CARS1: variants seen among roughly 807,000 people sequenced by gnomAD.
CARS1 encodes cysteine--tRNA ligase, cytoplasmic.
In CARS1, 48 loss-of-function variants were observed where a neutral mutation model predicts 106.2. The observed-to-expected ratio is 0.45, with a 90% confidence interval of 0.36 to 0.57. The LOEUF is 0.57. Ranked by LOEUF, CARS1 falls within the 20% of genes least tolerant of loss-of-function variation. CARS1 has a pLI of 0.00. For synonymous variants in CARS1, 409 were observed against 403.4 expected (o/e 1.01, Z -0.17); for missense variants, 968 against 1,057.2 (o/e 0.92, Z 1.17).
intron 17 of CARS1, among the ~76,000 whole-genome samples, chr11:3,015,550 T>C (rs1199006268): frequency 6.6e-6 from 1 of 152,208 alleles, no homozygotes; most frequent in Non-Finnish European, 1.5e-5. Flanking sequence ...GACAGCACAA[T>C]GGCAAAGTGC....
chr11:3,011,902 A>C (rs1018104570), intron 18 of CARS1, among the ~76,000 whole-genome samples: 2 of 152,184 alleles, frequency 1.3e-5, no homozygotes, highest in African/African-American at 4.8e-5. Flanking sequence ...AGGAGAGGCA[A>C]ATCAACCCTG....
Position 3,026,773 on chromosome 11 carries a change from G to A in CARS1, c.1056C>T (p.Tyr352=), listed in dbSNP as rs1319987437. 13 of 1,613,654 alleles carry A rather than the reference G, an allele frequency of 8.1e-6. No homozygotes were observed. Among genetic ancestry groups the A allele is most frequent in the Non-Finnish European group, 1.1e-5 (13 of 1,179,820 alleles). Residue 352 remains tyrosine (Y), a synonymous_variant, in exon 10 of 23, where the codon TAC becomes TAT. Transcript: ENST00000380525. ...TAGAAGCAAACTTCGCTGTATCAAA[G>A]TAGACAGACCCATTGGAGACATAGC... ...GYGYVSNGSV[Y]FDTAKFASSE...
In CARS1 at chr11:3,018,516, G is replaced by A. The variant is rs780883071; in HGVS notation, c.1526-5C>T. 3 of 1,612,796 alleles carry A rather than the reference G, an allele frequency of 1.9e-6. No homozygotes were observed. Among genetic ancestry groups the A allele is most frequent in the Non-Finnish European group, 2.5e-6 (3 of 1,178,876 alleles). Reference sequence around the variant, plus strand: ...AGGCCAGCCGCAACTGCCGTGCTGTGGGGGGACACAAGACAGCCAACGCCC... The same window carrying A: ...AGGCCAGCCGCAACTGCCGTGCTGTAGGGGGACACAAGACAGCCAACGCCC... On this transcript the variant is annotated splice_region_variant and splice_polypyrimidine_tract_variant and intron_variant, in intron 13 of 22. Transcript: ENST00000380525.
Position 3,020,194 on chromosome 11 carries a change from C to T in CARS1, c.1266+26G>A, listed in dbSNP as rs201337233. The stretch of plus-strand genomic sequence containing the variant: ...TGGCGCCAGTGCCCCTGTCCAAGCC[C>T]CACACCTTCTAGGCCACTCGCTCAC... On this transcript the variant is annotated intron_variant, in intron 11 of 22. Coordinates refer to ENST00000380525, the MANE Select transcript of CARS1 (RefSeq NM_001014437.3). This position sits in a 1 kb window ranked among gnomAD's most constrained non-coding sequence, Gnocchi z 4.6. The T allele has an allele frequency of 2.9e-6, 4 of 1,395,140 alleles. No individual in the cohort carries two copies. In the East Asian group the frequency reaches 9.1e-5, roughly 32 times the overall value. The allele number at this position is 1,395,140 out of a possible 1,614,324, so 86.4% of individuals were successfully genotyped here.
rs201356533 is a variant in CARS1 at position 3,016,465 on chromosome 11, C to T, written c.1918-616G>A. Among the ~76,000 whole-genome samples, 40 of 152,100 alleles carry T rather than the reference C, an allele frequency of 2.6e-4. 1 individual carries two copies. In the East Asian group the frequency reaches 7.2e-3, roughly 27 times the overall value. On this transcript the variant is annotated intron_variant, in intron 16 of 22. Transcript: ENST00000380525. ...GTCTCCATCTCCTGACCTTGTGATCCGCCCGCCTTGGCCTCCCAAAGTGCT... is the reference window on the plus strand; with the variant it reads ...GTCTCCATCTCCTGACCTTGTGATCTGCCCGCCTTGGCCTCCCAAAGTGCT...
rs984349135 is a variant in CARS1, at chr11:3,043,330, G to A, written c.275-1074C>T. ...AAACGTCAATCTGGCAAAGCTAGGT[G>A]TGGAGGACGGTACCTGGTGACTTTC... On this transcript the variant is annotated intron_variant, in intron 2 of 22. Transcript: ENST00000380525. The surrounding 1 kb of genome is among the most constrained non-coding windows in gnomAD (Gnocchi z 4.0). Among the ~76,000 whole-genome samples, 1 of 152,058 alleles carries A rather than the reference G, an allele frequency of 6.6e-6. No individual in the cohort carries two copies. The highest frequency in any genetic ancestry group is 1.5e-5 in the Non-Finnish European group (1 of 68,010).
chr11:3,038,753 A>G lies in CARS1; in HGVS notation c.651+441T>C, dbSNP rs373796085. ...ATAACGATGGTTATTCAGAATGAAA[A>G]TACTAGAGAGAACTAATTTCTTCAA... On this transcript the variant is annotated intron_variant, in intron 6 of 22. Coordinates refer to ENST00000380525, the MANE Select transcript of CARS1 (RefSeq NM_001014437.3). This position sits in a 1 kb window ranked among gnomAD's most constrained non-coding sequence, Gnocchi z 4.0. Among the ~76,000 whole-genome samples the G allele has an allele frequency of 5.3e-5, 8 of 152,370 alleles. No homozygotes were observed. The highest frequency in any genetic ancestry group is 1.4e-4 in the African/African-American group (6 of 41,592).
Position 3,046,367 on chromosome 11 carries a change from A to AG in CARS1, c.274+1385dup, listed in dbSNP as rs925957076. Among the ~76,000 whole-genome samples, 2 of 152,116 alleles carry AG rather than the reference A, an allele frequency of 1.3e-5. No individual in the cohort carries two copies. The highest frequency in any genetic ancestry group is 4.8e-5 in the African/African-American group (2 of 41,418). On this transcript the variant is annotated intron_variant, in intron 2 of 22. Transcript: ENST00000380525. This position sits in a 1 kb window ranked among gnomAD's most constrained non-coding sequence, Gnocchi z 5.8. ...GCTGTGTCTTGGAATGGCACATGGC[A>AG]GGGGGAACAACCTGACACCCGAGCC... is the stretch of plus-strand genomic sequence containing the variant.
At chr11:3,015,681 G>A (rs2134132963) in intron 17 of CARS1, 100 bp downstream of exon 17, 1 of 1,027,174 alleles carries the variant, frequency 9.7e-7, no homozygotes, top group Middle Eastern at 2.2e-4. Flanking sequence ...AGGGTCTGGT[G>A]TGGGTGGGCA....
rs1425859548 is a variant in CARS1, at chr11:3,026,809, A to G, written c.1032-12T>C. The G allele has an allele frequency of 6.2e-7, 1 of 1,607,536 alleles. No homozygotes were observed. On this transcript the variant is annotated splice_polypyrimidine_tract_variant and intron_variant, in intron 9 of 22. Transcript: ENST00000380525. The stretch of plus-strand genomic sequence containing the variant: ...CATTGGAGACATAGCTGGAAAACAG[A>G]AAAGGAATTGGGTGGGTGCATCTAA...
rs917036704 is a variant in CARS1, at chr11:3,017,712, C to T, written c.1727+145G>A. On this transcript the variant is annotated intron_variant, in intron 15 of 22. Transcript: ENST00000380525. The surrounding 1 kb of genome is among the most constrained non-coding windows in gnomAD (Gnocchi z 4.9). ...CCAGAGCAGCTCCCATTAGCAGAGC[C>T]GCCTATCCTGAATTAATTCTGCACA... 8.1e-6 allele frequency: 5 copies of T among 619,970 alleles called. No homozygotes were observed. Among genetic ancestry groups the T allele is most frequent in the South Asian group, 6.0e-5 (3 of 49,732 alleles). The allele number at this position is 619,970 out of a possible 1,614,324, so 38.4% of individuals were successfully genotyped here.
At chr11:3,012,143 GAGC>G (rs1850537047) in intron 18 of CARS1, 49 bp downstream of exon 18, 1 of 1,510,338 alleles carries the variant, frequency 6.6e-7, no homozygotes, top group African/African-American at 1.4e-5. Context: ...CCGGTCCGGG[GAGC>G]CCAGTGAGGG....
rs1001491665 is a variant in CARS1 at position 3,041,482 on chromosome 11, G to A, written c.367-498C>T. ...GCTTGGAGGCCAGGACCCCTGAATCGTGGTGCTGCTCTGGCACCACTCCCC... is the reference window on the plus strand; with the variant it reads ...GCTTGGAGGCCAGGACCCCTGAATCATGGTGCTGCTCTGGCACCACTCCCC... On this transcript the variant is annotated intron_variant, in intron 3 of 22. Transcript: ENST00000380525. This position sits in a 1 kb window ranked among gnomAD's most constrained non-coding sequence, Gnocchi z 4.9. Among the ~76,000 whole-genome samples the A allele has an allele frequency of 4.6e-5, 7 of 152,100 alleles. No homozygotes were observed. The highest frequency in any genetic ancestry group is 1.2e-4 in the African/African-American group (5 of 41,412).
chr11:3,057,017 C>T (rs1335666706), intron 1 of CARS1, among the ~76,000 whole-genome samples: 2 of 152,136 alleles, frequency 1.3e-5, no homozygotes, highest in Non-Finnish European at 2.9e-5. Flanking sequence ...CCCTCGGAGC[C>T]GGGCACCCGT....
chr11:3,013,726 G>A (rs537756864), intron 17 of CARS1, among the ~76,000 whole-genome samples: 34 of 152,182 alleles, frequency 2.2e-4, no homozygotes, highest in African/African-American at 8.2e-4. Context: ...GGTGGTGCAT[G>A]CCTGTAGTCC....
At chr11:3,032,986 G>A (rs535693630) in intron 7 of CARS1, among the ~76,000 whole-genome samples, 130 of 151,898 alleles carry the variant, frequency 8.6e-4, no homozygotes, top group African/African-American at 3.1e-3. Flanking sequence ...GTGACGGTGA[G>A]GTGGGTAGGG....
rs1851403980 is a variant in CARS1 at position 3,019,815 on chromosome 11, G to A, written c.1266+405C>T. On this transcript the variant is annotated intron_variant, in intron 11 of 22. Coordinates refer to ENST00000380525, the MANE Select transcript of CARS1 (RefSeq NM_001014437.3). The surrounding 1 kb of genome is among the most constrained non-coding windows in gnomAD (Gnocchi z 6.2). Reference sequence around the variant, plus strand: ...TACTGAATTACATCCAGACCTCTGAGCCCTTGACAGCTGCAGATGGTCACG... The same window carrying A: ...TACTGAATTACATCCAGACCTCTGAACCCTTGACAGCTGCAGATGGTCACG... Among the ~76,000 whole-genome samples the A allele has an allele frequency of 6.6e-6, 1 of 152,100 alleles. No homozygotes were observed. The highest frequency in any genetic ancestry group is 1.5e-5 in the Non-Finnish European group (1 of 68,018).
intron 12 of CARS1, 143 bp downstream of exon 12, chr11:3,018,996 G>C (rs539000218): frequency 1.8e-5 from 19 of 1,085,580 alleles, no homozygotes; most frequent in East Asian, 4.8e-5. Context: ...AAATGATCAG[G>C]GTTCAGATTC....
intron 7 of CARS1, among the ~76,000 whole-genome samples, chr11:3,033,922 A>G (rs1853225326): frequency 6.6e-6 from 1 of 152,150 alleles, no homozygotes; most frequent in South Asian, 2.1e-4. Context: ...GGACTGGGCA[A>G]TTTTTATAAA....
Sources: allele counts gnomAD v4.1 joint callset (sites outside exome capture counted in the v4.1 genomes callset), GRCh38; gene constraint gnomAD v4.1.1; non-coding constraint Gnocchi (gnomAD v3.1); transcripts MANE v1.5; gene names NCBI Gene and HGNC (gene_info 2026-07-23, HGNC 2026-07-21).